ASB3: variants seen among roughly 807,000 people sequenced by gnomAD.
The protein encoded by ASB3 is ankyrin repeat and SOCS box containing 3.
Under a neutral mutation model 54.5 loss-of-function variants are expected in ASB3, and 41 were observed. That is an observed-to-expected ratio of 0.75 (90% CI 0.59 to 0.98). ASB3 has a LOEUF of 0.98. ASB3 is among the 50% of genes least tolerant of loss of function. ASB3 has a pLI of 0.00. For synonymous variants in ASB3, 266 were observed against 221.2 expected, an observed-to-expected ratio of 1.20 and a Z score of -1.80; for missense variants, 733 against 620.0, an observed-to-expected ratio of 1.18 and a Z score of -1.94.
intron 9 of ASB3, among the ~76,000 whole-genome samples, chr2:53,682,911 T>C (rs1668452010): frequency 6.6e-6 from 1 of 152,242 alleles, no homozygotes; most frequent in African/African-American, 2.4e-5. Context: ...TAAAATCATA[T>C]CATCTGCAAA....
intron 5 of ASB3, among the ~76,000 whole-genome samples, chr2:53,725,413 G>A (rs1670940851): frequency 6.6e-6 from 1 of 151,872 alleles, no homozygotes; most frequent in African/African-American, 2.4e-5. Context: ...TAACAAACCT[G>A]CATGCATACC....
chr2:53,696,936 G>A (rs1242986731), intron 8 of ASB3, among the ~76,000 whole-genome samples: 1 of 152,098 alleles, frequency 6.6e-6, no homozygotes, highest in East Asian at 1.9e-4. Context: ...TCTTGAATAG[G>A]GGCTAGGTAA....
At chr2:53,723,096 C>T (rs752485447) in intron 5 of ASB3, among the ~76,000 whole-genome samples, 3 of 151,652 alleles carry the variant, frequency 2.0e-5, no homozygotes, top group African/African-American at 4.8e-5. Flanking sequence ...ATAACAGCCA[C>T]CAAAAAAAAA....
At chr2:53,684,854 A>G (rs2103684894) in intron 9 of ASB3, among the ~76,000 whole-genome samples, 1 of 152,358 alleles carries the variant, frequency 6.6e-6, no homozygotes, top group East Asian at 1.9e-4. Context: ...AATGGTTAGA[A>G]GAGTGTCAGG....
At chr2:53,716,779 C>T (rs1392578653) in intron 5 of ASB3, 36 bp from the exon 6 acceptor site, 1 of 1,541,068 alleles carries the variant, frequency 6.5e-7, no homozygotes, top group Non-Finnish European at 8.8e-7. Context: ...ACAGATAACC[C>T]TAATACTTAA....
intron 5 of ASB3, among the ~76,000 whole-genome samples, chr2:53,722,435 T>C (rs140712122): frequency 1.6e-4 from 24 of 152,188 alleles, no homozygotes; most frequent in African/African-American, 5.3e-4. Context: ...CAACAAAATA[T>C]TAGCAAATTA....
intron 5 of ASB3, among the ~76,000 whole-genome samples, chr2:53,717,438 G>A (rs924009297): frequency 4.0e-5 from 6 of 151,600 alleles, no homozygotes; most frequent in African/African-American, 1.5e-4. Flanking sequence ...TACAATCAGA[G>A]AAAAAGGGTC....
chr2:53,760,227 G>A (rs1673068577), intron 2 of ASB3, among the ~76,000 whole-genome samples: 2 of 152,198 alleles, frequency 1.3e-5, no homozygotes, highest in African/African-American at 4.8e-5. Flanking sequence ...CTCTAAGTAT[G>A]CTTACCTAAC....
chr2:53,773,790 A>T (rs569008100), intron 1 of ASB3, among the ~76,000 whole-genome samples: 10 of 150,852 alleles, frequency 6.6e-5, no homozygotes. Flanking sequence ...ATCCCAGCAC[A>T]CTGGGAGGCC....
intron 5 of ASB3, among the ~76,000 whole-genome samples, chr2:53,726,784 C>T (rs1671023668): frequency 6.6e-6 from 1 of 151,908 alleles, no homozygotes; most frequent in South Asian, 2.1e-4. Flanking sequence ...ACAACCTCTG[C>T]CTCATGGGTT....
At chr2:53,670,786 A>T (rs963404567) in intron 9 of ASB3, 96 bp from the exon 10 acceptor site, 3 of 1,354,294 alleles carry the variant, frequency 2.2e-6, no homozygotes, top group Admixed American at 5.5e-5. Context: ...TCTTAGTAAT[A>T]AAAGTGATAT....
intron 3 of ASB3, among the ~76,000 whole-genome samples, chr2:53,730,256 TATAAA>T (rs1671226820): frequency 6.6e-6 from 1 of 152,204 alleles, no homozygotes; most frequent in South Asian, 2.1e-4. Flanking sequence ...CAAAGTGCTT[TATAAA>T]ATAAGTACAA....
At position 53,744,394 on chromosome 2, in the gene ASB3, AAT is replaced by A. The variant is rs779627231; in HGVS notation, c.355+6387_355+6388del. Among the ~76,000 whole-genome samples the A allele has an allele frequency of 5.6e-3, 846 of 151,766 alleles. 18 individuals are homozygous for A. Among genetic ancestry groups the A allele is most frequent in the Non-Finnish European group, 9.2e-3 (627 of 67,956 alleles). ...AGCGAGACTCTGTCTCAAAAAAATA[AAT>A]AAAAAAATTAAAAAAAATAAAACAT... is the stretch of plus-strand genomic sequence containing the variant. On this transcript the variant is annotated intron_variant, in intron 3 of 9. Coordinates refer to ENST00000263634, the MANE Select transcript of ASB3 (RefSeq NM_016115.5).
intron 1 of ASB3, among the ~76,000 whole-genome samples, chr2:53,785,726 A>G (rs967150090): frequency 6.6e-6 from 1 of 152,154 alleles, no homozygotes. Flanking sequence ...TGTAATCCCA[A>G]CTACTCGGAA....
intron 7 of ASB3, among the ~76,000 whole-genome samples, chr2:53,710,665 T>C (rs1356107334): frequency 6.6e-6 from 1 of 152,240 alleles, no homozygotes. Context: ...TCAGCAAGCA[T>C]ATAACCTAGT....
intron 3 of ASB3, among the ~76,000 whole-genome samples, chr2:53,745,076 T>C (rs1672151363): frequency 6.6e-6 from 1 of 152,228 alleles, no homozygotes; most frequent in African/African-American, 2.4e-5. Context: ...GTTTTCTAAA[T>C]ATAACAAAAT....
At chr2:53,694,229 C>T in intron 8 of ASB3, 3 of 486,360 alleles carry the variant, frequency 6.2e-6, no homozygotes, top group Non-Finnish European at 1.1e-5. Flanking sequence ...TTCTATGTAG[C>T]TGTCTAAGAG....
intron 5 of ASB3, among the ~76,000 whole-genome samples, chr2:53,718,440 T>C (rs984664921): frequency 2.6e-5 from 4 of 151,830 alleles, no homozygotes; most frequent in Non-Finnish European, 4.4e-5. Context: ...GAAGGAGAAA[T>C]AAAATATTTT....
At chr2:53,695,617 TTAATA>T (rs1669141366) in intron 8 of ASB3, among the ~76,000 whole-genome samples, 1 of 152,092 alleles carries the variant, frequency 6.6e-6, no homozygotes, top group Non-Finnish European at 1.5e-5. Flanking sequence ...CACAGTTTAG[TTAATA>T]TAACGGTGAG....
Sources: gnomAD v4.1 joint callset for allele counts (sites outside exome capture counted in the v4.1 genomes callset) on GRCh38, gnomAD v4.1.1 for gene constraint, MANE v1.5 for transcripts, NCBI Gene and HGNC (gene_info 2026-07-23, HGNC 2026-07-21) for gene names.